Variants in LIMCH1 observed in about 807,000 individuals in gnomAD.
LIMCH1 encodes LIM and calponin homology domains 1, also known as LIM and calponin homology domains-containing protein 1.
LIMCH1 carries 113 observed loss-of-function variants against 176.5 expected under a neutral mutation model. The ratio of observed to expected loss-of-function variants is 0.64; its 90% CI spans 0.55 to 0.75. The LOEUF (loss-of-function observed/expected upper bound fraction) is 0.75, where lower values mean the gene tolerates loss of function less well. Ranked by LOEUF, LIMCH1 falls within the 30% of genes least tolerant of loss-of-function variation. The probability of loss-of-function intolerance (pLI) is 0.00; values close to 1 mark genes in which losing one functional copy is unlikely to be tolerated. For missense variants in LIMCH1, 1,674 were observed against 1,814.9 expected, an observed-to-expected ratio of 0.92 and a Z score of 1.41; for synonymous variants, 619 against 645.9, an observed-to-expected ratio of 0.96 and a Z score of 0.63.
intron 1 of LIMCH1, among the ~76,000 whole-genome samples, chr4:41,400,311 T>G (rs1174493583): frequency 6.6e-6 from 1 of 152,198 alleles, no homozygotes. Context: ...ATGGGGTACC[T>G]TGGAAAATTT....
chr4:41,477,558 AAGAGCCTGTAGTTTCGTGC>A (rs2067939174), intron 1 of LIMCH1, among the ~76,000 whole-genome samples: 1 of 152,232 alleles, frequency 6.6e-6, no homozygotes, highest in Non-Finnish European at 1.5e-5. Flanking sequence ...GAGGGTTCAG[AAGAGCCTGTAGTTTCGTGC>A]AGAGTAATCT....
intron 1 of LIMCH1, among the ~76,000 whole-genome samples, chr4:41,397,452 G>A (rs560204258): frequency 2.0e-5 from 3 of 151,840 alleles, no homozygotes; most frequent in South Asian, 2.1e-4. Flanking sequence ...TTCAGAATAC[G>A]TTATATGGAT....
chr4:41,630,683 A>G (rs1003090362), intron 9 of LIMCH1, among the ~76,000 whole-genome samples: 4 of 152,222 alleles, frequency 2.6e-5, no homozygotes, highest in Admixed American at 6.5e-5. Flanking sequence ...TATTTTTCAT[A>G]TACAGTCTTC....
At chr4:41,459,391 C>T (rs1168852993) in intron 1 of LIMCH1, among the ~76,000 whole-genome samples, 1 of 152,122 alleles carries the variant, frequency 6.6e-6, no homozygotes, top group African/African-American at 2.4e-5. Flanking sequence ...GCCTCGACCT[C>T]CTGGGCTTAA....
chr4:41,646,790 G>C lies in LIMCH1; in HGVS notation c.2717G>C (p.Ser906Thr). Residue 906 changes from serine to threonine, a missense_variant, in exon 17 of 32, where the codon AGT becomes ACT. Ser to Thr is a moderately conservative substitution (Grantham distance 58). Around this residue, in one of 3 missense-constraint regions of LIMCH1, gnomAD observed 1,015 missense variants for 1,102.5 expected, o/e 0.92. Transcript: ENST00000503057. ...SVLDTSMSAG[S>T]GSPSKTVTPK... is the part of the protein sequence containing the mutation. ...CTGGATACCAGCATGTCAGCAGGCA[G>C]TGGGTCTCCAAGCAAAACTGTCACT... 8 of 1,614,180 alleles carry C rather than the reference G, an allele frequency of 5.0e-6. No individual in the cohort carries two copies. Among genetic ancestry groups the C allele is most frequent in the Non-Finnish European group, 5.9e-6 (7 of 1,180,020 alleles).
chr4:41,381,938 AG>A (rs2055734939), intron 1 of LIMCH1, among the ~76,000 whole-genome samples: 1 of 152,196 alleles, frequency 6.6e-6, no homozygotes. Flanking sequence ...ACCGGATCCC[AG>A]TAGTACCCCC....
chr4:41,569,186 A>G lies in LIMCH1; in HGVS notation c.-240-29734A>G, dbSNP rs144445764. Among the ~76,000 whole-genome samples the G allele has an allele frequency of 9.2e-5, 14 of 152,258 alleles. No homozygotes were observed. In the East Asian group the frequency reaches 2.7e-3, roughly 29 times the overall value. On this transcript the variant is annotated intron_variant, in intron 1 of 31. Coordinates refer to ENST00000503057, the MANE Select transcript of LIMCH1 (RefSeq NM_001330672.2). ...TGTTACCCCACTTGAGAGATGCAGG[A>G]GTTAGAGATCAAAATGCTCGCTTTC...
chr4:41,370,740 G>A (rs981204677), intron 1 of LIMCH1, among the ~76,000 whole-genome samples: 2 of 152,140 alleles, frequency 1.3e-5, no homozygotes, highest in African/African-American at 4.8e-5. Context: ...CACACTTCTG[G>A]AACACTTACC....
chr4:41,438,432 G>T (rs141768126), intron 1 of LIMCH1, among the ~76,000 whole-genome samples: 5 of 150,000 alleles, frequency 3.3e-5, no homozygotes, highest in African/African-American at 1.2e-4. Flanking sequence ...ACATAATCTC[G>T]GCTCACTGCA....
At chr4:41,546,348 A>C (rs2079392063) in intron 1 of LIMCH1, among the ~76,000 whole-genome samples, 1 of 152,100 alleles carries the variant, frequency 6.6e-6, no homozygotes, top group Admixed American at 6.5e-5. Context: ...CATGTTGGCC[A>C]GGCTGGTCTC....
At chr4:41,455,342 A>G (rs1582478496) in intron 1 of LIMCH1, among the ~76,000 whole-genome samples, 1 of 152,264 alleles carries the variant, frequency 6.6e-6, no homozygotes, top group Non-Finnish European at 1.5e-5. Context: ...GCCAGGAGTG[A>G]TTAGTTTGGA....
At chr4:41,578,524 A>G (rs2084873593) in intron 1 of LIMCH1, among the ~76,000 whole-genome samples, 1 of 152,166 alleles carries the variant, frequency 6.6e-6, no homozygotes, top group Non-Finnish European at 1.5e-5. Flanking sequence ...TGAGACTGTC[A>G]ACTTCTTTAT....
At position 41,620,662 on chromosome 4, in the gene LIMCH1, G is replaced by A. The variant is rs1385494739; in HGVS notation, c.697G>A (p.Val233Ile). ...RKRLEQAGIK[V>I]MPAAQRFASQ... Reference sequence around the variant, plus strand: ...AAGGCTAGAGCAAGCTGGAATCAAGGTCATGCCAGCAGCACAGCGCTTTGC... The same window carrying A: ...AAGGCTAGAGCAAGCTGGAATCAAGATCATGCCAGCAGCACAGCGCTTTGC... Residue 233 changes from valine to isoleucine, a missense_variant, in exon 7 of 32, where the codon GTC becomes ATC. Coordinates refer to ENST00000503057, the MANE Select transcript of LIMCH1 (RefSeq NM_001330672.2). The A allele has an allele frequency of 3.3e-6, 5 of 1,535,972 alleles. No individual in the cohort carries two copies. Among genetic ancestry groups the A allele is most frequent in the Non-Finnish European group, 4.4e-6 (5 of 1,146,822 alleles).
chr4:41,689,174 C>T (rs1723331065), intron 29 of LIMCH1, among the ~76,000 whole-genome samples: 1 of 152,126 alleles, frequency 6.6e-6, no homozygotes, highest in Non-Finnish European at 1.5e-5. Flanking sequence ...AAGCGAAACT[C>T]AGTTATCTTT....
intron 1 of LIMCH1, among the ~76,000 whole-genome samples, chr4:41,556,485 G>A (rs1026129430): frequency 8.6e-5 from 13 of 151,052 alleles, no homozygotes; most frequent in African/African-American, 3.2e-4. Flanking sequence ...CTACCTTTTT[G>A]ATCATTAACT....
intron 1 of LIMCH1, among the ~76,000 whole-genome samples, chr4:41,551,549 T>G (rs2080427176): frequency 6.6e-6 from 1 of 152,162 alleles, no homozygotes; most frequent in South Asian, 2.1e-4. Flanking sequence ...ATTAGAGTGT[T>G]TGGATGAAGC....
chr4:41,425,318 G>C (rs2060975860), intron 1 of LIMCH1, among the ~76,000 whole-genome samples: 1 of 152,018 alleles, frequency 6.6e-6, no homozygotes, highest in Non-Finnish European at 1.5e-5. Context: ...CTTGGTCTTG[G>C]TTTCCACCCT....
intron 14 of LIMCH1, 143 bp from the exon 15 acceptor site, chr4:41,644,357 G>C: frequency 8.9e-7 from 1 of 1,122,480 alleles, no homozygotes; most frequent in Non-Finnish European, 1.2e-6. Context: ...AGAACACACC[G>C]CCAGTCACGC....
rs370255179 is a variant in LIMCH1 at position 41,637,356 on chromosome 4, T to A, written c.2091-1576T>A. Reference sequence around the variant, plus strand: ...GGTGTGCACCACCATGCCCAGCTAATTTTTTATGTGATTGGTAGAGACAAG... The same window carrying A: ...GGTGTGCACCACCATGCCCAGCTAAATTTTTATGTGATTGGTAGAGACAAG... On this transcript the variant is annotated intron_variant, in intron 13 of 31. Coordinates refer to ENST00000503057, the MANE Select transcript of LIMCH1 (RefSeq NM_001330672.2). Among the ~76,000 whole-genome samples the A allele has an allele frequency of 3.3e-3, 496 of 152,250 alleles. 3 individuals are homozygous for A. The highest frequency in any genetic ancestry group is 0.014 in the Middle Eastern group (4 of 294).
Sources: allele counts gnomAD v4.1 joint callset (sites outside exome capture counted in the v4.1 genomes callset), GRCh38; gene constraint gnomAD v4.1.1; regional missense constraint gnomAD v4.1.1; transcripts MANE v1.5; gene names NCBI Gene and HGNC (gene_info 2026-07-23, HGNC 2026-07-21).